UBR3: variants seen among roughly 807,000 people sequenced by gnomAD.
UBR3 encodes E3 ubiquitin-protein ligase UBR3.
In UBR3, 85 loss-of-function variants were observed where a neutral mutation model predicts 243.2. The ratio of observed to expected loss-of-function variants is 0.35; its 90% CI spans 0.29 to 0.42. The LOEUF is 0.42. Among genes scored for constraint, UBR3 ranks in the 10% least tolerant of loss-of-function variants. The pLI is 1.00. For synonymous variants in UBR3, 748 were observed against 799.8 expected (o/e 0.94, Z 1.09); for missense variants, 1,686 against 2,300.8 (o/e 0.73, Z 5.47).
intron 26 of UBR3, among the ~76,000 whole-genome samples, chr2:169,998,453 A>G (rs917700148): frequency 7.9e-5 from 12 of 152,148 alleles, no homozygotes; most frequent in African/African-American, 2.9e-4. Context: ...GTATGCTTTT[A>G]TAAGACCTGT....
chr2:169,978,906 C>G (rs1207861395), intron 24 of UBR3, among the ~76,000 whole-genome samples: 1 of 152,050 alleles, frequency 6.6e-6, no homozygotes, highest in East Asian at 1.9e-4. Flanking sequence ...ATCGGCCTAG[C>G]CCTAGGCTCT....
chr2:169,902,696 G>A (rs1005379795), intron 8 of UBR3, among the ~76,000 whole-genome samples: 7 of 149,740 alleles, frequency 4.7e-5, no homozygotes, highest in African/African-American at 1.5e-4. Context: ...TGCAACCTCC[G>A]CCTCCCGGGT....
intron 24 of UBR3, among the ~76,000 whole-genome samples, chr2:169,963,932 G>A (rs1052405064): frequency 4.6e-5 from 7 of 152,076 alleles, no homozygotes; most frequent in Admixed American, 4.6e-4. Flanking sequence ...ACTAAATGAA[G>A]TAAGTTGCAG....
Position 169,928,800 on chromosome 2 carries a change from T to TA in UBR3, c.2499dup (p.Ala834SerfsTer2). 1 of 1,515,398 alleles carries TA rather than the reference T, an allele frequency of 6.6e-7. No homozygotes were observed. Among genetic ancestry groups the TA allele is most frequent in the Non-Finnish European group, 8.9e-7 (1 of 1,121,370 alleles). 93.9% of individuals were successfully genotyped at this position (1,515,398 alleles called of 1,614,324 possible). On this transcript the variant is annotated frameshift_variant, in exon 18 of 39. Coordinates refer to ENST00000272793, the MANE Select transcript of UBR3 (RefSeq NM_172070.4). LOFTEE classifies it high-confidence loss of function. ...AGCTTTGAATCAGTTTTATCAGCTGTAGCTGATTTTAAGGCTCCTGTTTTT... is the reference window on the plus strand; with the variant it reads ...AGCTTTGAATCAGTTTTATCAGCTGTAAGCTGATTTTAAGGCTCCTGTTTTT...
intron 1 of UBR3, among the ~76,000 whole-genome samples, chr2:169,840,796 A>G (rs961485783): frequency 6.6e-6 from 1 of 152,144 alleles, no homozygotes; most frequent in Non-Finnish European, 1.5e-5. Context: ...ACATGTGGAC[A>G]CTGGGAAGGC....
intron 5 of UBR3, among the ~76,000 whole-genome samples, chr2:169,882,783 C>T (rs571267559): frequency 7.3e-5 from 11 of 150,636 alleles, no homozygotes; most frequent in African/African-American, 1.2e-4. Context: ...ACAACAAAAA[C>T]GAAATGAAAA....
chr2:169,962,888 T>C (rs2087643528), intron 24 of UBR3, among the ~76,000 whole-genome samples: 1 of 152,140 alleles, frequency 6.6e-6, no homozygotes, highest in Admixed American at 6.5e-5. Flanking sequence ...GTAGCTCTTG[T>C]GGGTTTATTT....
chr2:169,972,380 T>C (rs1339019053), intron 24 of UBR3, among the ~76,000 whole-genome samples: 1 of 151,938 alleles, frequency 6.6e-6, no homozygotes, highest in African/African-American at 2.4e-5. Context: ...TTCCAATCAA[T>C]AGAAAAAGAG....
At position 169,914,031 on chromosome 2, in the gene UBR3, A is replaced by G. The variant is rs950317779; in HGVS notation, c.1780-29A>G. 6.9e-5 allele frequency: 76 copies of G among 1,100,654 alleles called. 1 individual carries two copies. Among genetic ancestry groups the G allele is most frequent in the Admixed American group, 1.8e-4 (5 of 28,496 alleles). The allele number at this position is 1,100,654 out of a possible 1,614,324, so 68.2% of individuals were successfully genotyped here. A position where few individuals can be genotyped will look rare whatever the true frequency, so the allele number is the denominator to read the frequency against. On this transcript the variant is annotated intron_variant, in intron 10 of 38. Coordinates refer to ENST00000272793, the MANE Select transcript of UBR3 (RefSeq NM_172070.4). ...TGAAAATATATGTTTATATATCATAAATTTATTATATATAACTTACTATTT... is the reference window on the plus strand; with the variant it reads ...TGAAAATATATGTTTATATATCATAGATTTATTATATATAACTTACTATTT...
chr2:169,831,853 T>C (rs928222084), intron 1 of UBR3, among the ~76,000 whole-genome samples: 1 of 152,228 alleles, frequency 6.6e-6, no homozygotes, highest in Non-Finnish European at 1.5e-5. Flanking sequence ...AAAGATTGAA[T>C]GTGTGTTGAT....
Position 170,026,319 on chromosome 2 carries a change from A to G in UBR3, c.4454-3027A>G, listed in dbSNP as rs1186626960. Among the ~76,000 whole-genome samples, 3 of 152,110 alleles carry G rather than the reference A, an allele frequency of 2.0e-5. No individual in the cohort carries two copies. The East Asian group carries it at 5.8e-4, about 29-fold the overall frequency. ...ATAATAATCTATAATTTTAGTTGTA[A>G]TATCTAGTTTTAGTTGTAAAGTTTA... is the stretch of plus-strand genomic sequence containing the variant. On this transcript the variant is annotated intron_variant, in intron 30 of 38. Coordinates refer to ENST00000272793, the MANE Select transcript of UBR3 (RefSeq NM_172070.4).
intron 10 of UBR3, among the ~76,000 whole-genome samples, chr2:169,907,728 T>G (rs1408682675): frequency 2.0e-5 from 3 of 152,132 alleles, no homozygotes; most frequent in Non-Finnish European, 4.4e-5. Flanking sequence ...TCTCCACAAG[T>G]TGCCCTCAAC....
At chr2:169,849,353 T>A (rs903734601) in intron 1 of UBR3, among the ~76,000 whole-genome samples, 1 of 152,382 alleles carries the variant, frequency 6.6e-6, no homozygotes, top group African/African-American at 2.4e-5. Flanking sequence ...GATGAACGCC[T>A]CAAGGGGCTC....
At chr2:169,975,566 G>A (rs1211847521) in intron 24 of UBR3, among the ~76,000 whole-genome samples, 1 of 152,184 alleles carries the variant, frequency 6.6e-6, no homozygotes, top group Non-Finnish European at 1.5e-5. Context: ...AACGATTATT[G>A]TATTGGAGTC....
At chr2:169,861,606 C>CA (rs56963417) in intron 1 of UBR3, among the ~76,000 whole-genome samples, 4,412 of 91,898 alleles carry the variant, frequency 0.048, 200 homozygotes, top group African/African-American at 0.14. Flanking sequence ...GACTCTGTCT[C>CA]AAAAAAAAAA....
intron 1 of UBR3, among the ~76,000 whole-genome samples, chr2:169,828,930 A>T (rs531150924): frequency 6.6e-6 from 1 of 152,366 alleles, no homozygotes; most frequent in South Asian, 2.1e-4. Flanking sequence ...GCAGTGAGTT[A>T]CAGAGAGTTG....
At position 169,924,988 on chromosome 2, in the gene UBR3, C is replaced by T. The variant is rs145733725; in HGVS notation, c.2023-631C>T. Among the ~76,000 whole-genome samples, 362 of 152,134 alleles carry T rather than the reference C, an allele frequency of 2.4e-3. 2 individuals carry two copies. The highest frequency in any genetic ancestry group is 8.5e-3 in the African/African-American group (351 of 41,502). ...GACAGAGGTTGCAGTGGGCCAAGAT[C>T]GCGCCACTGCACTCCAGTCTGGCGA... is the stretch of plus-strand genomic sequence containing the variant. On this transcript the variant is annotated intron_variant, in intron 13 of 38. Transcript: ENST00000272793.
chr2:169,986,317 C>T (rs2089001704), intron 24 of UBR3, among the ~76,000 whole-genome samples: 1 of 152,154 alleles, frequency 6.6e-6, no homozygotes, highest in Non-Finnish European at 1.5e-5. Flanking sequence ...TCCCTTCTTT[C>T]TGTAACATGT....
At chr2:169,948,334 CT>C (rs150697581) in intron 22 of UBR3, among the ~76,000 whole-genome samples, 2 of 151,088 alleles carry the variant, frequency 1.3e-5, no homozygotes, top group East Asian at 1.9e-4. Context: ...TTGCAAATAA[CT>C]TTTTTTTTGC....
Sources: gnomAD v4.1 joint callset for allele counts (sites outside exome capture counted in the v4.1 genomes callset) on GRCh38, gnomAD v4.1.1 for gene constraint, MANE v1.5 for transcripts, NCBI Gene and HGNC (gene_info 2026-07-23, HGNC 2026-07-21) for gene names.